MAGI2: variants seen among roughly 807,000 people sequenced by gnomAD.
MAGI2 encodes membrane-associated guanylate kinase, WW and PDZ domain-containing protein 2.
Under a neutral mutation model 133.3 loss-of-function variants are expected in MAGI2, and 35 were observed. The observed-to-expected ratio is 0.26, with a 90% confidence interval of 0.20 to 0.35. MAGI2 has a LOEUF of 0.35. MAGI2 is among the 10% of genes least tolerant of loss of function. The probability of loss-of-function intolerance (pLI) is 1.00; values close to 1 mark genes in which losing one functional copy is unlikely to be tolerated. For synonymous variants in MAGI2, 729 were observed against 710.6 expected, an observed-to-expected ratio of 1.03 and a Z score of -0.41; for missense variants, 1,636 against 1,863.4, an observed-to-expected ratio of 0.88 and a Z score of 2.25.
At chr7:79,234,840 A>G (rs531798445) in intron 1 of MAGI2, among the ~76,000 whole-genome samples, 1,924 of 151,430 alleles carry the variant, frequency 0.013, 37 homozygotes, top group African/African-American at 0.043. Context: ...CTGGTGAGGA[A>G]CTGCGTTCCT....
At chr7:78,483,415 C>T (rs1169971008) in intron 6 of MAGI2, among the ~76,000 whole-genome samples, 1 of 151,728 alleles carries the variant, frequency 6.6e-6, no homozygotes, top group South Asian at 2.1e-4. Context: ...TTTATAGCCA[C>T]ATGAAATATT....
chr7:78,743,413 G>C (rs1822614037), intron 2 of MAGI2, among the ~76,000 whole-genome samples: 1 of 152,076 alleles, frequency 6.6e-6, no homozygotes, highest in Non-Finnish European at 1.5e-5. Context: ...ACCAAAAAAA[G>C]AACCTTCCTT....
At chr7:78,416,056 G>C (rs183166081) in intron 6 of MAGI2, among the ~76,000 whole-genome samples, 1 of 152,250 alleles carries the variant, frequency 6.6e-6, no homozygotes, top group Admixed American at 6.5e-5. Flanking sequence ...AGTGAGCATG[G>C]ATTTCGGCTG....
chr7:78,448,326 G>A (rs893189309), intron 6 of MAGI2, among the ~76,000 whole-genome samples: 4 of 151,996 alleles, frequency 2.6e-5, no homozygotes, highest in African/African-American at 9.7e-5. Context: ...GGTAGTCCTA[G>A]TTTTAATTTT....
At chr7:78,480,615 C>T (rs1050735886) in intron 6 of MAGI2, among the ~76,000 whole-genome samples, 2 of 151,972 alleles carry the variant, frequency 1.3e-5, no homozygotes, top group South Asian at 2.1e-4. Context: ...ACCATGTCAA[C>T]AGCTTAAATA....
chr7:78,679,495 T>G (rs1815412459), intron 2 of MAGI2, among the ~76,000 whole-genome samples: 1 of 152,198 alleles, frequency 6.6e-6, no homozygotes, highest in Non-Finnish European at 1.5e-5. Context: ...TAATGTTCTG[T>G]ATATAAAAGA....
chr7:78,748,076 A>G (rs1352947122), intron 2 of MAGI2, among the ~76,000 whole-genome samples: 1 of 152,164 alleles, frequency 6.6e-6, no homozygotes, highest in Admixed American at 6.6e-5. Context: ...CCAGCTTCAC[A>G]AAAGAGACCA....
chr7:78,805,331 T>A (rs1788484058), intron 2 of MAGI2, among the ~76,000 whole-genome samples: 1 of 151,944 alleles, frequency 6.6e-6, no homozygotes, highest in Admixed American at 6.6e-5. Context: ...TTATTATCAC[T>A]TATGGGTGCT....
intron 20 of MAGI2, among the ~76,000 whole-genome samples, chr7:78,117,671 T>A (rs755490864): frequency 1.3e-5 from 2 of 151,292 alleles, no homozygotes; most frequent in Non-Finnish European, 2.9e-5. Flanking sequence ...GCCAAGCCAA[T>A]GAAATTTAAA....
chr7:78,625,363 G>A (rs1466386500), intron 3 of MAGI2, among the ~76,000 whole-genome samples: 1 of 151,484 alleles, frequency 6.6e-6, no homozygotes, highest in Non-Finnish European at 1.5e-5. Context: ...ATAGAAAAAA[G>A]CTTATAGAAT....
chr7:78,783,793 A>C (rs1199129266), intron 2 of MAGI2, among the ~76,000 whole-genome samples: 5 of 152,190 alleles, frequency 3.3e-5, no homozygotes, highest in Non-Finnish European at 2.9e-5. Flanking sequence ...GTACATTGTT[A>C]AATAGCAAAA....
chr7:79,073,703 C>T (rs1326293142), intron 1 of MAGI2, among the ~76,000 whole-genome samples: 3 of 151,710 alleles, frequency 2.0e-5, no homozygotes, highest in Admixed American at 6.6e-5. Context: ...CCATGTTCTC[C>T]TTTGTGTCTA....
At chr7:78,523,360 TC>T (rs1348146711) in intron 3 of MAGI2, among the ~76,000 whole-genome samples, 1 of 152,040 alleles carries the variant, frequency 6.6e-6, no homozygotes, top group East Asian at 1.9e-4. Context: ...ACGCCCGTAG[TC>T]CCATCTATTC....
intron 1 of MAGI2, among the ~76,000 whole-genome samples, chr7:79,399,965 T>C (rs1036341762): frequency 6.6e-6 from 1 of 152,232 alleles, no homozygotes; most frequent in Non-Finnish European, 1.5e-5. Context: ...TTTAGTCGCA[T>C]ATATTTGATC....
intron 16 of MAGI2, among the ~76,000 whole-genome samples, chr7:78,147,020 C>T (rs1420522192): frequency 1.3e-5 from 2 of 152,144 alleles, no homozygotes; most frequent in Non-Finnish European, 2.9e-5. Context: ...CAGATACTAA[C>T]CCAGGCAAAT....
chr7:79,284,126 G>T (rs1171722941), intron 1 of MAGI2, among the ~76,000 whole-genome samples: 6 of 152,056 alleles, frequency 3.9e-5, no homozygotes, highest in Admixed American at 3.9e-4. Flanking sequence ...ACCTAATGAT[G>T]CATTTTTTCA....
chr7:79,055,076 G>A (rs1231140467), intron 1 of MAGI2, among the ~76,000 whole-genome samples: 2 of 152,208 alleles, frequency 1.3e-5, no homozygotes, highest in Non-Finnish European at 2.9e-5. Context: ...TTACAGGCGT[G>A]AGCCACCATG....
chr7:78,676,093 TAAG>T (rs2151084274), intron 2 of MAGI2, among the ~76,000 whole-genome samples: 1 of 152,236 alleles, frequency 6.6e-6, no homozygotes, highest in African/African-American at 2.4e-5. Flanking sequence ...TATTCAGTAA[TAAG>T]AAGTATATGC....
chr7:78,685,006 A>G (rs1816125346), intron 2 of MAGI2, among the ~76,000 whole-genome samples: 1 of 152,192 alleles, frequency 6.6e-6, no homozygotes, highest in South Asian at 2.1e-4. Flanking sequence ...TTCTCATACT[A>G]CATTCATGAG....
Sources: gnomAD v4.1 joint callset for allele counts (sites outside exome capture counted in the v4.1 genomes callset) on GRCh38, gnomAD v4.1.1 for gene constraint, MANE v1.5 for transcripts, NCBI Gene and HGNC (gene_info 2026-07-23, HGNC 2026-07-21) for gene names.